The following NPHP4 variants were observed in gnomAD, a reference collection of about 807,000 sequenced individuals.
The protein encoded by NPHP4 is nephrocystin 4, also known as nephrocystin-4.
In NPHP4, 151 loss-of-function variants were observed where a neutral mutation model predicts 155.8. That is an observed-to-expected ratio of 0.97 (90% CI 0.85 to 1.11). NPHP4 has a LOEUF of 1.11. Among genes scored for constraint, NPHP4 ranks in the 50% least tolerant of loss-of-function variants. The pLI is 0.00. For missense variants in NPHP4, 1,956 were observed against 1,925.7 expected (o/e 1.02, Z -0.29); for synonymous variants, 845 against 816.8 (o/e 1.03, Z -0.59).
At chr1:5,981,213 TG>T (rs765833275) in intron 2 of NPHP4, among the ~76,000 whole-genome samples, 14 of 152,296 alleles carry the variant, frequency 9.2e-5, no homozygotes, top group Non-Finnish European at 1.6e-4. Context: ...CAGGATCCCG[TG>T]GCTCCCAGAA....
At chr1:5,947,875 A>G (rs909083787) in intron 8 of NPHP4, among the ~76,000 whole-genome samples, 195 bp downstream of exon 8, 1 of 132,018 alleles carries the variant, frequency 7.6e-6, no homozygotes, top group Non-Finnish European at 1.6e-5. Flanking sequence ...GCACAAAAGG[A>G]AAAAAAAAGG....
chr1:5,942,233 T>C (rs1350230204), intron 9 of NPHP4, among the ~76,000 whole-genome samples: 2 of 152,076 alleles, frequency 1.3e-5, no homozygotes, highest in African/African-American at 4.8e-5. Context: ...TAAAAATTTT[T>C]TAAAGAAGGG....
At chr1:5,919,470 T>C (rs902997690) in intron 11 of NPHP4, among the ~76,000 whole-genome samples, 3 of 152,190 alleles carry the variant, frequency 2.0e-5, no homozygotes, top group Non-Finnish European at 4.4e-5. Flanking sequence ...TTGTTTATTG[T>C]CTGTTTTTAA....
Position 5,905,523 on chromosome 1 carries a change from G to C in NPHP4, c.1764-40C>G. 6.3e-7 allele frequency: 1 copy of C among 1,598,730 alleles called. No homozygotes were observed. Among genetic ancestry groups the C allele is most frequent in the Middle Eastern group, 1.7e-4 (1 of 5,852 alleles). ...CTCCTCAGGTAGCCTCCCGGGAAAGGGGGGACCCATTGATGCACCTCCCTG... is the reference window on the plus strand; with the variant it reads ...CTCCTCAGGTAGCCTCCCGGGAAAGCGGGGACCCATTGATGCACCTCCCTG... On this transcript the variant is annotated intron_variant, in intron 14 of 29. Transcript: ENST00000378156. The surrounding 1 kb of genome is among the most constrained non-coding windows in gnomAD (Gnocchi z 4.0).
In NPHP4 at chr1:5,867,313, C is replaced by T. The variant is rs916513184; in HGVS notation, c.3473-198G>A. The T allele has an allele frequency of 1.7e-6, 1 of 578,252 alleles. No individual in the cohort carries two copies. Among genetic ancestry groups the T allele is most frequent in the Non-Finnish European group, 3.1e-6 (1 of 325,688 alleles). 35.8% of individuals were successfully genotyped at this position (578,252 alleles called of 1,614,324 possible). ...GTTCCCTGCATGGACACCGCCCATC[C>T]AGCCCACTGCGGCTCGGCTGCAGCC... On this transcript the variant is annotated intron_variant, in intron 24 of 29. Coordinates refer to ENST00000378156, the MANE Select transcript of NPHP4 (RefSeq NM_015102.5). This position sits in a 1 kb window ranked among gnomAD's most constrained non-coding sequence, Gnocchi z 4.1.
Position 5,927,635 on chromosome 1 carries a change from C to A in NPHP4, c.1441+14G>T. The A allele has an allele frequency of 6.3e-7, 1 of 1,595,722 alleles. No individual in the cohort carries two copies. Among genetic ancestry groups the A allele is most frequent in the South Asian group, 1.1e-5 (1 of 90,232 alleles). ...GCCATGTGCCTGGCCAGTCAGCTCT[C>A]TGGAAACACTTACTCGAAGGGGACG... On this transcript the variant is annotated intron_variant, in intron 11 of 29. Transcript: ENST00000378156.
chr1:5,907,302 A>C, intron 12 of NPHP4, 80 bp from the exon 13 acceptor site: 3 of 879,176 alleles, frequency 3.4e-6, no homozygotes, highest in Non-Finnish European at 3.5e-6. Flanking sequence ...CACTGGCCAC[A>C]CCGGGGAACG....
Position 5,952,752 on chromosome 1 carries a change from T to C in NPHP4, c.758A>G (p.Glu253Gly), listed in dbSNP as rs1297416979. ...CTCCAGCAGCTCTTCCTCAAACTTC[T>C]CCAGGGAGGGGTACAGGGTGAAGAA... ...DLFFTLYPSL[E>G]KFEEELLELH... Residue 253 changes from glutamate to glycine, a missense_variant, in exon 7 of 30, where the codon GAG (glutamate) becomes GGG (glycine). Transcript: ENST00000378156. The C allele has an allele frequency of 6.4e-7, 1 of 1,569,844 alleles. No individual in the cohort carries two copies. Among genetic ancestry groups the C allele is most frequent in the East Asian group, 2.3e-5 (1 of 42,614 alleles).
At chr1:5,985,847 C>T (rs1655399592) in intron 2 of NPHP4, among the ~76,000 whole-genome samples, 1 of 152,136 alleles carries the variant, frequency 6.6e-6, no homozygotes, top group Non-Finnish European at 1.5e-5. Flanking sequence ...CATTTAATAC[C>T]CTTAACCTAC....
At chr1:5,966,449 T>C (rs761388654) in intron 5 of NPHP4, among the ~76,000 whole-genome samples, 1 of 152,158 alleles carries the variant, frequency 6.6e-6, no homozygotes, top group Non-Finnish European at 1.5e-5. Flanking sequence ...TCTTACTATG[T>C]TGCCCAGGCT....
chr1:5,964,205 C>A (rs1209884388), intron 5 of NPHP4, among the ~76,000 whole-genome samples: 1 of 152,180 alleles, frequency 6.6e-6, no homozygotes, highest in African/African-American at 2.4e-5. Context: ...ACTGGACAAG[C>A]GCATTAGCTT....
chr1:5,888,457 G>C (rs1321325455), intron 17 of NPHP4: 4 of 1,190,914 alleles, frequency 3.4e-6, no homozygotes, highest in South Asian at 1.6e-5. Context: ...TGAGACGCCA[G>C]ACCTGACCCT....
chr1:5,868,596 ACATG>A (rs774858203), intron 23 of NPHP4, among the ~76,000 whole-genome samples: 4 of 150,898 alleles, frequency 2.7e-5, no homozygotes, highest in Non-Finnish European at 5.9e-5. Flanking sequence ...ATGCACACCC[ACATG>A]CATGCAGGCA....
chr1:5,905,960 A>G lies in NPHP4; in HGVS notation c.1612-177T>C, dbSNP rs1161660825. ...CAGGTAAACAACAAATGATTTTAGTATAAGTATGGTCCCTACGATATTTGG... is the reference window on the plus strand; with the variant it reads ...CAGGTAAACAACAAATGATTTTAGTGTAAGTATGGTCCCTACGATATTTGG... On this transcript the variant is annotated intron_variant, in intron 13 of 29. Coordinates refer to ENST00000378156, the MANE Select transcript of NPHP4 (RefSeq NM_015102.5). The surrounding 1 kb of genome is among the most constrained non-coding windows in gnomAD (Gnocchi z 4.0). Among the ~76,000 whole-genome samples the G allele has an allele frequency of 6.6e-6, 1 of 152,252 alleles. No individual in the cohort carries two copies. Among genetic ancestry groups the G allele is most frequent in the South Asian group, 2.1e-4 (1 of 4,836 alleles).
chr1:5,953,488 C>T (rs111995914), intron 6 of NPHP4, among the ~76,000 whole-genome samples: 1 of 152,184 alleles, frequency 6.6e-6, no homozygotes, highest in Non-Finnish European at 1.5e-5. Flanking sequence ...AGCCTGCTGC[C>T]CGGCATGGCT....
intron 16 of NPHP4, among the ~76,000 whole-genome samples, chr1:5,903,482 G>T (rs1644770492): frequency 6.6e-6 from 1 of 152,102 alleles, no homozygotes; most frequent in Non-Finnish European, 1.5e-5. Flanking sequence ...GACCCCAGCT[G>T]GGTCCCTTAT....
chr1:5,986,021 T>C (rs915821769), intron 2 of NPHP4, 134 bp downstream of exon 2: 7 of 863,510 alleles, frequency 8.1e-6, no homozygotes, highest in Non-Finnish European at 1.3e-5. Context: ...ACAGAATGGC[T>C]ATATGGGTAC....
intron 1 of NPHP4, among the ~76,000 whole-genome samples, chr1:5,988,374 A>C (rs946532198): frequency 6.6e-6 from 1 of 152,284 alleles, no homozygotes; most frequent in Non-Finnish European, 1.5e-5. Flanking sequence ...AGGAGCCTTC[A>C]GCTGTCCTCT....
At chr1:5,990,335 T>C (rs1656043160) in intron 1 of NPHP4, among the ~76,000 whole-genome samples, 1 of 151,794 alleles carries the variant, frequency 6.6e-6, no homozygotes, top group South Asian at 2.1e-4. Context: ...GAAATACAAA[T>C]GCCCTGGAGG....
Sources: allele counts gnomAD v4.1 joint callset (sites outside exome capture counted in the v4.1 genomes callset), GRCh38; gene constraint gnomAD v4.1.1; non-coding constraint Gnocchi (gnomAD v3.1); transcripts MANE v1.5; gene names NCBI Gene and HGNC (gene_info 2026-07-23, HGNC 2026-07-21).